ARL10: variants seen among roughly 807,000 people sequenced by gnomAD.
ARL10 encodes the protein ADP-ribosylation factor-like protein 10.
Under a neutral mutation model 26.1 loss-of-function variants are expected in ARL10, and 23 were observed. The observed-to-expected ratio is 0.88, with a 90% confidence interval of 0.63 to 1.25. The LOEUF is 1.25. Among genes scored for constraint, ARL10 ranks in the 50% most tolerant of loss-of-function variants. The pLI is 0.00. For synonymous variants in ARL10, 138 were observed against 149.1 expected (o/e 0.93, Z 0.54); for missense variants, 300 against 323.6 (o/e 0.93, Z 0.56).
chr5:176,388,873 T>A, downstream of ARL10: 1 of 1,614,006 alleles, frequency 6.2e-7, no homozygotes, highest in South Asian at 1.1e-5. Context: ...CATCGAAGCC[T>A]CCAGTCATTG....
chr5:176,366,901 C>T (rs1445572215), intron 2 of ARL10, among the ~76,000 whole-genome samples: 1 of 151,814 alleles, frequency 6.6e-6, no homozygotes, highest in African/African-American at 2.4e-5. Flanking sequence ...CTCCCCTAAA[C>T]AATTACATAA....
At chr5:176,390,149 T>A (rs906520415), downstream of ARL10, among the ~76,000 whole-genome samples, 1 of 139,210 alleles carries the variant, frequency 7.2e-6, no homozygotes, top group African/African-American at 2.8e-5. Context: ...GCCATTGCAC[T>A]TCAGCCTGGG....
At chr5:176,395,814 C>T (rs1200633377) in intron 1 of ARL10, among the ~76,000 whole-genome samples, 1 of 152,176 alleles carries the variant, frequency 6.6e-6, no homozygotes, top group Non-Finnish European at 1.5e-5. Context: ...TCCAGCATCC[C>T]ATGCTCAGTG....
chr5:176,372,750 G>A lies in ARL10; in HGVS notation c.*855G>A, dbSNP rs1768584052. On this transcript the variant is annotated 3_prime_UTR_variant, in exon 4 of 4. Transcript: ENST00000310389. ...GGGAAGGAAGGAGCCTGTGTCCCTGGGACGACAGTCAACTGGAGCTAGGTG... is the reference window on the plus strand; with the variant it reads ...GGGAAGGAAGGAGCCTGTGTCCCTGAGACGACAGTCAACTGGAGCTAGGTG... The A allele has an allele frequency of 2.5e-6, 1 of 396,838 alleles. No homozygotes were observed. Among genetic ancestry groups the A allele is most frequent in the Non-Finnish European group, 4.4e-6 (1 of 225,220 alleles). 24.6% of individuals were successfully genotyped at this position (396,838 alleles called of 1,614,324 possible).
At chr5:176,402,899 G>A (rs775806443), downstream of ARL10, among the ~76,000 whole-genome samples, 9 of 152,200 alleles carry the variant, frequency 5.9e-5, no homozygotes, top group African/African-American at 1.9e-4. Context: ...GAGCCAGCAC[G>A]TGTAAGAATC....
intron 2 of ARL10, among the ~76,000 whole-genome samples, chr5:176,367,126 G>A (rs1768343663): frequency 6.7e-6 from 1 of 148,932 alleles, no homozygotes; most frequent in Non-Finnish European, 1.5e-5. Flanking sequence ...TCCAGCTTCA[G>A]CCTCCTGAGC....
chr5:176,375,737 A>AT lies in ARL10; in HGVS notation c.*3843dup. ...GAGCAGGGGTCACTTATGTTCCCCC[A>AT]TAAGTCTGCACAGCTCCTAAACAAG... On this transcript the variant is annotated 3_prime_UTR_variant, in exon 4 of 4. Coordinates refer to ENST00000310389, the MANE Select transcript of ARL10 (RefSeq NM_173664.6). 1 of 152,342 alleles carries AT rather than the reference A, an allele frequency of 6.6e-6. No homozygotes were observed. The highest frequency in any genetic ancestry group is 1.9e-4 in the East Asian group (1 of 5,186). The allele number at this position is 152,342 out of a possible 1,614,324, so 9.4% of individuals were successfully genotyped here.
rs1377004538 is a variant in ARL10, at chr5:176,377,677, C to A, written c.*5782C>A. 6.6e-6 allele frequency: 1 copy of A among 152,166 alleles called. No homozygotes were observed. The highest frequency in any genetic ancestry group is 1.9e-4 in the East Asian group (1 of 5,202). The allele number at this position is 152,166 out of a possible 1,614,324, so 9.4% of individuals were successfully genotyped here. The stretch of plus-strand genomic sequence containing the variant: ...TTGACAAACCAGATATTGGTTATAA[C>A]CCATTTCAGCATTTTACAGTGGTCA... On this transcript the variant is annotated 3_prime_UTR_variant, in exon 4 of 4. Coordinates refer to ENST00000310389, the MANE Select transcript of ARL10 (RefSeq NM_173664.6). The surrounding 1 kb of genome is among the most constrained non-coding windows in gnomAD (Gnocchi z 4.5).
At chr5:176,390,956 C>T (rs908120152), downstream of ARL10, among the ~76,000 whole-genome samples, 1 of 152,200 alleles carries the variant, frequency 6.6e-6, no homozygotes, top group African/African-American at 2.4e-5. Flanking sequence ...AACAAGTATT[C>T]CTGGTCTGTG....
intron 2 of ARL10, chr5:176,367,803 C>T: frequency 6.1e-6 from 3 of 494,240 alleles, no homozygotes; most frequent in South Asian, 3.0e-5. Flanking sequence ...AACCCCTGTT[C>T]CACCTCAGCC....
At chr5:176,402,796 C>T (rs1394848604), downstream of ARL10, among the ~76,000 whole-genome samples, 2 of 152,128 alleles carry the variant, frequency 1.3e-5, no homozygotes, top group East Asian at 3.9e-4. Flanking sequence ...TGCTGGAACA[C>T]AGTTCAGATA....
In ARL10 at chr5:176,377,449, T is replaced by C. The variant is rs913041675; in HGVS notation, c.*5554T>C. On this transcript the variant is annotated 3_prime_UTR_variant, in exon 4 of 4. Transcript: ENST00000310389. This position sits in a 1 kb window ranked among gnomAD's most constrained non-coding sequence, Gnocchi z 4.5. ...AGGAAACACATGTTCTTATAACTCC[T>C]TAGCTACTGCCATAGCATCAGCTCT... 2 of 152,220 alleles carry C rather than the reference T, an allele frequency of 1.3e-5. No homozygotes were observed. Among genetic ancestry groups the C allele is most frequent in the African/African-American group, 4.8e-5 (2 of 41,458 alleles). The allele number at this position is 152,220 out of a possible 1,614,324, so 9.4% of individuals were successfully genotyped here.
intron 2 of ARL10, 149 bp downstream of exon 2, chr5:176,366,730 G>GC: frequency 9.9e-7 from 1 of 1,005,686 alleles, no homozygotes; most frequent in Non-Finnish European, 1.4e-6. Context: ...ACAGGATTCA[G>GC]CCCACGCTCT....
intron 2 of ARL10, 21 bp downstream of exon 2, chr5:176,366,602 A>G (rs532773599): frequency 6.8e-6 from 11 of 1,612,186 alleles, no homozygotes; most frequent in East Asian, 6.7e-5. Flanking sequence ...ACCCTACCCC[A>G]TCTCCCCGTC....
intron 1 of ARL10, chr5:176,387,076 C>G (rs202103317): frequency 1.7e-5 from 5 of 292,738 alleles, no homozygotes; most frequent in Non-Finnish European, 3.3e-5. Context: ...CTCTCTCTCT[C>G]TCTTTTTTTT....
chr5:176,368,799 C>T lies in ARL10; in HGVS notation c.386-8C>T. On this transcript the variant is annotated splice_polypyrimidine_tract_variant and splice_region_variant and intron_variant, in intron 2 of 3. Coordinates refer to ENST00000310389, the MANE Select transcript of ARL10 (RefSeq NM_173664.6). The surrounding 1 kb of genome is among the most constrained non-coding windows in gnomAD (Gnocchi z 4.1). ...GAGGCTCTGAGCTGGCCCCTGGCCT[C>T]TCCTCAGTTGGGGGCAGCCAGAACC... The T allele has an allele frequency of 6.2e-7, 1 of 1,604,836 alleles. No individual in the cohort carries two copies. Among genetic ancestry groups the T allele is most frequent in the South Asian group, 1.1e-5 (1 of 89,978 alleles).
At chr5:176,394,437 A>G (rs917377605) in intron 1 of ARL10, among the ~76,000 whole-genome samples, 1 of 151,964 alleles carries the variant, frequency 6.6e-6, no homozygotes. Context: ...TTTGGGAGGC[A>G]GAGGCGGGTG....
downstream of ARL10, among the ~76,000 whole-genome samples, chr5:176,391,185 G>A (rs1756253915): frequency 6.6e-6 from 1 of 152,198 alleles, no homozygotes; most frequent in Admixed American, 6.5e-5. Context: ...AGAGATGATA[G>A]ATGTAGAGCA....
the ARL10 span, among the ~76,000 whole-genome samples, chr5:176,408,286 C>A: frequency 6.6e-6 from 1 of 151,316 alleles, no homozygotes; most frequent in Non-Finnish European, 1.5e-5. Context: ...GTAATCCCAG[C>A]ACTTTGGGAG....
Sources: allele counts gnomAD v4.1 joint callset (sites outside exome capture counted in the v4.1 genomes callset), GRCh38; gene constraint gnomAD v4.1.1; non-coding constraint Gnocchi (gnomAD v3.1); transcripts MANE v1.5; gene names NCBI Gene and HGNC (gene_info 2026-07-23, HGNC 2026-07-21).